Variants in DDAH1 observed in about 807,000 individuals in gnomAD.
DDAH1 encodes the protein N(G),N(G)-dimethylarginine dimethylaminohydrolase 1.
In DDAH1, 19 loss-of-function variants were observed where a neutral mutation model predicts 28.8. The ratio of observed to expected loss-of-function variants is 0.66; its 90% CI spans 0.46 to 0.97. The LOEUF is 0.97. DDAH1 is among the 50% of genes least tolerant of loss of function. The pLI, the probability that DDAH1 is intolerant of heterozygous loss-of-function variation, is 0.00. For synonymous variants in DDAH1, 153 were observed against 154.4 expected, an observed-to-expected ratio of 0.99 and a Z score of 0.07; for missense variants, 326 against 375.9, an observed-to-expected ratio of 0.87 and a Z score of 1.10.
chr1:85,519,393 G>A (rs1314912159), intron 1 of DDAH1, among the ~76,000 whole-genome samples: 1 of 151,992 alleles, frequency 6.6e-6, no homozygotes, highest in African/African-American at 2.4e-5. Flanking sequence ...ATTGGCTTAG[G>A]GAAAAAACGG....
rs570117001 is a variant in DDAH1 at position 85,563,585 on chromosome 1, G to A, written c.-123+14399C>T. ...AAAACAAAATTCAAGAATATTTTAA[G>A]GAATATAATATCTAGCACCCGACAA... On this transcript the variant is annotated intron_variant, in intron 1 of 6. Coordinates refer to the DDAH1 transcript ENST00000426972. 5.2e-3 allele frequency among the ~76,000 whole-genome samples: 798 copies of A among 152,208 alleles called. 3 individuals carry two copies. The highest frequency in any genetic ancestry group is 0.041 in the Middle Eastern group (12 of 294).
At chr1:85,413,056 T>C (rs549391016) in intron 1 of DDAH1, among the ~76,000 whole-genome samples, 62 of 152,314 alleles carry the variant, frequency 4.1e-4, no homozygotes, top group African/African-American at 1.4e-3. Flanking sequence ...TAGAAATATA[T>C]AGCCAGAGAA....
intron 1 of DDAH1, among the ~76,000 whole-genome samples, chr1:85,407,396 A>G (rs1314204472): frequency 6.6e-6 from 1 of 152,212 alleles, no homozygotes; most frequent in African/African-American, 2.4e-5. Flanking sequence ...GAATAAACTC[A>G]CATTGCTAGA....
intron 1 of DDAH1, among the ~76,000 whole-genome samples, chr1:85,461,827 T>C (rs1255661182): frequency 2.6e-5 from 4 of 152,278 alleles, no homozygotes; most frequent in South Asian, 2.1e-4. Flanking sequence ...AAAGGAAGTT[T>C]ATAGCGTTTT....
rs368840266 is a variant in DDAH1, at chr1:85,385,344, T to C, written c.304-26497A>G. On this transcript the variant is annotated intron_variant, in intron 1 of 5. Transcript: ENST00000284031. ...TGAAGGCTGGTGAAGAAGACCAGGATCATCTTAGAAATAAATAAAGCATTA... is the reference window on the plus strand; with the variant it reads ...TGAAGGCTGGTGAAGAAGACCAGGACCATCTTAGAAATAAATAAAGCATTA... Among the ~76,000 whole-genome samples, 24 of 152,320 alleles carry C rather than the reference T, an allele frequency of 1.6e-4. No homozygotes were observed. In the East Asian group the frequency reaches 4.4e-3, roughly 28 times the overall value.
intron 1 of DDAH1, among the ~76,000 whole-genome samples, chr1:85,446,000 C>A (rs1654411200): frequency 6.6e-6 from 1 of 152,122 alleles, no homozygotes; most frequent in Admixed American, 6.6e-5. Context: ...ATATTACAGT[C>A]CAGTAAGGAC....
intron 2 of DDAH1, among the ~76,000 whole-genome samples, chr1:85,351,933 A>G (rs1649238044): frequency 6.6e-6 from 1 of 152,192 alleles, no homozygotes; most frequent in African/African-American, 2.4e-5. Flanking sequence ...TCTGAACTGT[A>G]CACTTAAAAA....
intron 1 of DDAH1, among the ~76,000 whole-genome samples, chr1:85,388,324 C>T (rs947558565): frequency 2.6e-5 from 4 of 152,136 alleles, no homozygotes; most frequent in Non-Finnish European, 2.9e-5. Context: ...TAGTTATGTG[C>T]CATTACTACT....
intron 1 of DDAH1, among the ~76,000 whole-genome samples, chr1:85,571,483 C>G (rs183187178): frequency 6.6e-6 from 1 of 152,198 alleles, no homozygotes; most frequent in African/African-American, 2.4e-5. Context: ...CAAAGCTGCA[C>G]GGCTTCTAGA....
upstream of DDAH1, among the ~76,000 whole-genome samples, chr1:85,467,921 G>A (rs1655443384): frequency 6.6e-6 from 1 of 152,216 alleles, no homozygotes; most frequent in Non-Finnish European, 1.5e-5. Flanking sequence ...GTGCACATGA[G>A]AGGTATAGAT....
At chr1:85,391,436 C>T (rs570660850) in intron 1 of DDAH1, among the ~76,000 whole-genome samples, 1 of 152,090 alleles carries the variant, frequency 6.6e-6, no homozygotes, top group African/African-American at 2.4e-5. Context: ...CACTGCACTC[C>T]AGCCTGGGCG....
chr1:85,578,061 G>A (rs1659661902), exon 1 of DDAH1: 6 of 971,438 alleles, frequency 6.2e-6, no homozygotes, highest in Non-Finnish European at 7.3e-6. Flanking sequence ...CGGCGAGAAG[G>A]CGACGGGAGG....
At chr1:85,511,599 C>T (rs190179120) in intron 1 of DDAH1, among the ~76,000 whole-genome samples, 26 of 152,156 alleles carry the variant, frequency 1.7e-4, no homozygotes. Flanking sequence ...TGATAGACCA[C>T]TAGCAAGACT....
At chr1:85,324,966 G>A (rs566227475) in intron 4 of DDAH1, 83 bp from the exon 5 acceptor site, 12 of 1,515,886 alleles carry the variant, frequency 7.9e-6, no homozygotes, top group Non-Finnish European at 9.0e-6. Context: ...TAGGATACAA[G>A]CTTGGAACTG....
chr1:85,405,850 A>T (rs1352555324), intron 1 of DDAH1, among the ~76,000 whole-genome samples: 1 of 152,204 alleles, frequency 6.6e-6, no homozygotes, highest in Admixed American at 6.5e-5. Flanking sequence ...CCCTCATGTA[A>T]TGAATGCTCT....
chr1:85,434,945 GTATAT>G (rs1653866254), intron 1 of DDAH1, among the ~76,000 whole-genome samples: 2 of 152,002 alleles, frequency 1.3e-5, no homozygotes, highest in Admixed American at 1.3e-4. Flanking sequence ...AATCTTGACA[GTATAT>G]AATAAGTAAT....
chr1:85,364,205 G>T (rs1649943208), intron 1 of DDAH1, among the ~76,000 whole-genome samples: 1 of 152,116 alleles, frequency 6.6e-6, no homozygotes, highest in Admixed American at 6.6e-5. Context: ...TTCTCCTGAG[G>T]TCTCATCATA....
At chr1:85,476,193 G>T (rs1655798752) in intron 2 of DDAH1, among the ~76,000 whole-genome samples, 1 of 152,062 alleles carries the variant, frequency 6.6e-6, no homozygotes, top group African/African-American at 2.4e-5. Context: ...TCTTTATTTT[G>T]CCCTTCACCT....
chr1:85,425,488 T>C (rs1326245309), intron 1 of DDAH1, among the ~76,000 whole-genome samples: 1 of 152,146 alleles, frequency 6.6e-6, no homozygotes, highest in Admixed American at 6.5e-5. Context: ...AAACATAAAA[T>C]ATCAAACACA....
Sources: allele counts gnomAD v4.1 joint callset (sites outside exome capture counted in the v4.1 genomes callset), GRCh38; gene constraint gnomAD v4.1.1; transcripts MANE v1.5; gene names NCBI Gene and HGNC (gene_info 2026-07-23, HGNC 2026-07-21).